The following BOP1 variants were observed in gnomAD, a reference collection of about 807,000 sequenced individuals.
The protein encoded by BOP1 is ribosome biogenesis protein BOP1.
In BOP1, 54 loss-of-function variants were observed where a neutral mutation model predicts 82.9. That is an observed-to-expected ratio of 0.65 (90% confidence interval 0.52 to 0.82). The LOEUF is 0.82. Among genes scored for constraint, BOP1 ranks in the 40% least tolerant of loss-of-function variants. The pLI is 0.00. For synonymous variants in BOP1, 566 were observed against 451.1 expected (o/e 1.25, Z -3.23); for missense variants, 1,170 against 1,072.0 (o/e 1.09, Z -1.28).
rs1814874404 is a variant in BOP1, at chr8:144,286,490, CT to C, written c.309+2604del. 3.5e-4 allele frequency among the ~76,000 whole-genome samples: 38 copies of C among 110,098 alleles called. 4 individuals are homozygous for C. Among genetic ancestry groups the C allele is most frequent in the African/African-American group, 1.2e-3 (33 of 28,328 alleles). The allele number at this position is 110,098 out of a possible 152,430, so 72.2% of individuals were successfully genotyped here. A position where few individuals can be genotyped will look rare whatever the true frequency, so the allele number is the denominator to read the frequency against. The stretch of plus-strand genomic sequence containing the variant: ...CCACGGCAGGGCAGGGCCTCGGCCC[CT>C]CAGCTAAAGCACAGGACACGCGGGC... On this transcript the variant is annotated intron_variant, in intron 2 of 15. Coordinates refer to ENST00000569669, the MANE Select transcript of BOP1 (RefSeq NM_015201.5).
intron 3 of BOP1, among the ~76,000 whole-genome samples, chr8:144,271,071 C>A (rs1439491635): frequency 8.4e-6 from 1 of 118,500 alleles, no homozygotes; most frequent in Non-Finnish European, 1.8e-5. Context: ...AGGCCCCGCA[C>A]GGAGAGCCCC....
Position 144,264,525 on chromosome 8 carries a change from T to G in BOP1, c.755A>C (p.Glu252Ala). The change falls in exon 6 of 16, where the codon GAG (glutamate) becomes GCG (alanine). Residue 252 changes from glutamate (E) to alanine (A), a missense_variant. Physicochemically the swap from Glu to Ala is moderately radical, Grantham distance 107. Transcript: ENST00000569669. ...DKRSFIPSLV[E>A]KEKVSRMVHA... is the part of the protein sequence containing the mutation. ...GGCTGTGTGCCCCACCTTCTCCTTC[T>G]CCACCAGGGAGGGGATGAAGCTGCG... 1 of 1,610,114 alleles carries G rather than the reference T, an allele frequency of 6.2e-7. No homozygotes were observed. The highest frequency in any genetic ancestry group is 8.5e-7 in the Non-Finnish European group (1 of 1,179,026).
In BOP1 at chr8:144,289,296, G is replaced by A; in HGVS notation, c.108C>T (p.Leu36=). ...LEPEPEPEPP[L]LCTSPLSHST... ...TGTGGCTGAGAGGAGAGGTGCAGAG[G>A]AGGGGGGGCTGCAAGGAAACACTGG... The change falls in exon 2 of 16, where the codon CTC becomes CTT. Residue 36 remains leucine (L), a synonymous_variant. Transcript: ENST00000569669. 1 of 1,613,806 alleles carries A rather than the reference G, an allele frequency of 6.2e-7. No individual in the cohort carries two copies. Among genetic ancestry groups the A allele is most frequent in the South Asian group, 1.1e-5 (1 of 91,054 alleles).
intron 3 of BOP1, among the ~76,000 whole-genome samples, chr8:144,273,520 G>A (rs1588597480): frequency 6.6e-6 from 1 of 152,240 alleles, no homozygotes; most frequent in South Asian, 2.1e-4. Flanking sequence ...ACGCTTTCCT[G>A]ACAAACACGG....
At chr8:144,276,833 C>A (rs1409004263) in intron 2 of BOP1, among the ~76,000 whole-genome samples, 1 of 152,186 alleles carries the variant, frequency 6.6e-6, no homozygotes, top group South Asian at 2.1e-4. Flanking sequence ...TCCACCCATC[C>A]CGGGGGCCAC....
Position 144,263,297 on chromosome 8 carries a change from A to G in BOP1, c.1529T>C (p.Leu510Ser). 3 of 1,594,274 alleles carry G rather than the reference A, an allele frequency of 1.9e-6. No homozygotes were observed. Among genetic ancestry groups the G allele is most frequent in the Non-Finnish European group, 2.5e-6 (3 of 1,178,974 alleles). The change falls in exon 12 of 16, where the codon TTG (leucine) becomes TCG (serine). Residue 510 changes from leucine (L) to serine (S), a missense_variant. Leu to Ser is a moderately radical substitution (Grantham distance 145). Coordinates refer to ENST00000569669, the MANE Select transcript of BOP1 (RefSeq NM_015201.5). ...SAFVPPEEPP[L>S]QPARWLEASE... ...GGCCTCCAGCCAGCGGGCCGGCTGC[A>G]AGGGGGGCTCCTCAGGCGGGACGAA...
At chr8:144,282,297 C>T (rs1351764118) in intron 2 of BOP1, among the ~76,000 whole-genome samples, 1 of 152,198 alleles carries the variant, frequency 6.6e-6, no homozygotes, top group Non-Finnish European at 1.5e-5. Context: ...CTCGCAGACA[C>T]AGTCAACAGC....
chr8:144,291,105 C>T lies in BOP1; in HGVS notation c.99+167G>A, dbSNP rs1564606253. Among the ~76,000 whole-genome samples the T allele has an allele frequency of 6.6e-6, 1 of 151,966 alleles. No homozygotes were observed. The highest frequency in any genetic ancestry group is 1.5e-5 in the Non-Finnish European group (1 of 67,926). On this transcript the variant is annotated intron_variant, in intron 1 of 15. Transcript: ENST00000569669. The surrounding 1 kb of genome is among the most constrained non-coding windows in gnomAD (Gnocchi z 4.1). ...GGACGCCGTCCTTTACCCCGCAGTC[C>T]GCTCTGCCTGAGACCCCCCGATAGA... is the stretch of plus-strand genomic sequence containing the variant.
Position 144,263,494 on chromosome 8 carries a change from G to T in BOP1, c.1408C>A (p.Leu470Met), listed in dbSNP as rs974224443. ...TCCACTTACACGGCTGCAGCCACCA[G>T]GCAGACAGCGGGGCTGGGGTTCCAG... ...VAWNPSPAVC[L>M]VAAAVEDSVL... The change falls in exon 11 of 16, where the codon CTG becomes ATG. Residue 470 changes from leucine (L) to methionine (M), a missense_variant. Transcript: ENST00000569669. 5.0e-6 allele frequency: 8 copies of T among 1,598,624 alleles called. No individual in the cohort carries two copies. In the Admixed American group the frequency reaches 6.7e-5, roughly 13 times the overall value.
At chr8:144,269,280 C>G (rs1379613753) in intron 3 of BOP1, among the ~76,000 whole-genome samples, 3 of 152,254 alleles carry the variant, frequency 2.0e-5, no homozygotes, top group Non-Finnish European at 4.4e-5. Flanking sequence ...CACCTCCCCC[C>G]AACCCTGCCA....
At chr8:144,267,819 G>A (rs1283741488) in intron 3 of BOP1, among the ~76,000 whole-genome samples, 2 of 152,218 alleles carry the variant, frequency 1.3e-5, no homozygotes, top group African/African-American at 2.4e-5. Flanking sequence ...GGAAAAGCAG[G>A]GTGAGCAGGG....
At chr8:144,281,526 C>T (rs113308190) in intron 2 of BOP1, among the ~76,000 whole-genome samples, 5 of 5,452 alleles carry the variant, frequency 9.2e-4, no homozygotes, top group Admixed American at 4.4e-3. Flanking sequence ...ACCAGGTCTT[C>T]GGCCTTCCCT....
chr8:144,291,222 C>T lies in BOP1; in HGVS notation c.99+50G>A, dbSNP rs1815061788. The T allele has an allele frequency of 7.3e-7, 1 of 1,370,248 alleles. No individual in the cohort carries two copies. Among genetic ancestry groups the T allele is most frequent in the Non-Finnish European group, 9.4e-7 (1 of 1,064,754 alleles). 84.9% of individuals were successfully genotyped at this position (1,370,248 alleles called of 1,614,324 possible). A position where few individuals can be genotyped will look rare whatever the true frequency, so the allele number is the denominator to read the frequency against. On this transcript the variant is annotated intron_variant, in intron 1 of 15. Transcript: ENST00000569669. This position sits in a 1 kb window ranked among gnomAD's most constrained non-coding sequence, Gnocchi z 4.1. ...ACCCGCCCCAGCGCGGCCACGTGCC[C>T]GCCGGGCCCTCTAGGGACGCGCCCC...
At chr8:144,274,609 G>A (rs1345932498) in intron 3 of BOP1, among the ~76,000 whole-genome samples, 1 of 152,196 alleles carries the variant, frequency 6.6e-6, no homozygotes, top group East Asian at 1.9e-4. Flanking sequence ...CAGGAGCACC[G>A]GGCAGCACCC....
chr8:144,281,449 G>C (rs112997692), intron 2 of BOP1, among the ~76,000 whole-genome samples: 771 of 1,522 alleles, frequency 0.51, 179 homozygotes, highest in Middle Eastern at 0.5. Context: ...CCTTCTCTCA[G>C]TTTAATACCA....
chr8:144,273,318 C>T (rs946214032), intron 3 of BOP1, among the ~76,000 whole-genome samples: 3 of 152,318 alleles, frequency 2.0e-5, no homozygotes, highest in Non-Finnish European at 2.9e-5. Context: ...CCTGCGGGAA[C>T]CTGACTCACA....
chr8:144,264,940 G>A lies in BOP1; in HGVS notation c.522C>T (p.Asp174=). The A allele has an allele frequency of 1.2e-6, 2 of 1,609,472 alleles. No homozygotes were observed. The highest frequency in any genetic ancestry group is 1.1e-5 in the South Asian group (1 of 90,972). The change falls in exon 4 of 16, where the codon GAC becomes GAT. Residue 174 remains aspartate, a synonymous_variant. Transcript: ENST00000569669. ...RTRDELDQFL[D]KMDDPDYWRT... The stretch of plus-strand genomic sequence containing the variant: ...ACCAGTAGTCAGGATCGTCCATCTT[G>A]TCCAGGAACTGGTCCAGCTCATCCC...
At position 144,264,558 on chromosome 8, in the gene BOP1, G is replaced by T; in HGVS notation, c.722C>A (p.Ala241Asp). 6.2e-7 allele frequency: 1 copy of T among 1,609,896 alleles called. No individual in the cohort carries two copies. The highest frequency in any genetic ancestry group is 8.5e-7 in the Non-Finnish European group (1 of 1,178,778). ...VMIHPVTNRPADKRSFIPSLV... is the reference protein window; with the variant it reads ...VMIHPVTNRPDDKRSFIPSLV... ...GGAGGGGATGAAGCTGCGCTTGTCG[G>T]CCGGGCGGTTGGTCACCGGGTGGAT... is the stretch of plus-strand genomic sequence containing the variant. The change falls in exon 6 of 16, where the codon GCC becomes GAC. Residue 241 changes from alanine (A) to aspartate (D), a missense_variant. Ala to Asp is a moderately radical substitution (Grantham distance 126). Transcript: ENST00000569669.
Position 144,263,913 on chromosome 8 carries a change from T to C in BOP1, c.1141-2A>G. ...GAGGTCCTCAGGGTCTACATTCACC[T>C]GGGGCAGGAGAGCGCCAGGTCAGCC... is the stretch of plus-strand genomic sequence containing the variant. On this transcript the variant is annotated splice_acceptor_variant, in intron 8 of 15. Coordinates refer to ENST00000569669, the MANE Select transcript of BOP1 (RefSeq NM_015201.5). LOFTEE classifies it high-confidence loss of function. The C allele has an allele frequency of 6.2e-7, 1 of 1,611,522 alleles. No homozygotes were observed. The highest frequency in any genetic ancestry group is 8.5e-7 in the Non-Finnish European group (1 of 1,179,392).
Sources: allele counts gnomAD v4.1 joint callset (sites outside exome capture counted in the v4.1 genomes callset), GRCh38; gene constraint gnomAD v4.1.1; non-coding constraint Gnocchi (gnomAD v3.1); transcripts MANE v1.5; gene names NCBI Gene and HGNC (gene_info 2026-07-23, HGNC 2026-07-21).